Variants in SPRYD7 observed in about 807,000 individuals in gnomAD.
SPRYD7 encodes the protein SPRY domain-containing protein 7.
A neutral mutation model predicts 23.8 loss-of-function variants in SPRYD7; 14 were observed. The ratio of observed to expected loss-of-function variants is 0.59; its 90% CI spans 0.39 to 0.92. The LOEUF is 0.92. Among genes scored for constraint, SPRYD7 ranks in the 40% least tolerant of loss-of-function variants. SPRYD7 has a pLI of 0.00. For missense variants in SPRYD7, 194 were observed against 241.7 expected, an observed-to-expected ratio of 0.80 and a Z score of 1.31; for synonymous variants, 75 against 84.9, an observed-to-expected ratio of 0.88 and a Z score of 0.64.
intron 4 of SPRYD7, among the ~76,000 whole-genome samples, chr13:49,919,742 A>G (rs1955796094): frequency 6.6e-6 from 1 of 151,602 alleles, no homozygotes; most frequent in African/African-American, 2.4e-5. Flanking sequence ...AAAAAAAAAA[A>G]AAAAGTTGAT....
chr13:49,935,298 A>G (rs577220652), intron 1 of SPRYD7, among the ~76,000 whole-genome samples: 3 of 152,368 alleles, frequency 2.0e-5, no homozygotes, highest in East Asian at 1.9e-4. Flanking sequence ...CCACAAAAAG[A>G]CAGTACTCTA....
chr13:49,930,340 G>C (rs1955933277), intron 2 of SPRYD7, among the ~76,000 whole-genome samples: 1 of 151,974 alleles, frequency 6.6e-6, no homozygotes, highest in Non-Finnish European at 1.5e-5. Flanking sequence ...CCAACACTTT[G>C]GGAGGCCGAC....
intron 2 of SPRYD7, among the ~76,000 whole-genome samples, chr13:49,930,568 A>G (rs1303572472): frequency 6.6e-6 from 1 of 152,018 alleles, no homozygotes; most frequent in Non-Finnish European, 1.5e-5. Flanking sequence ...GTGACAGAGC[A>G]AGACTCCATC....
chr13:49,916,159 T>C (rs1481439875), intron 4 of SPRYD7, among the ~76,000 whole-genome samples: 1 of 152,046 alleles, frequency 6.6e-6, no homozygotes, highest in Non-Finnish European at 1.5e-5. Flanking sequence ...GCAAAGCAAG[T>C]AAATAATCAG....
intron 3 of SPRYD7, among the ~76,000 whole-genome samples, chr13:49,924,234 A>G (rs1955853094): frequency 6.6e-6 from 1 of 151,286 alleles, no homozygotes; most frequent in Admixed American, 6.6e-5. Context: ...TGATCTGCCC[A>G]CCTCGGCCTC....
At chr13:49,933,199 C>T (rs1204070138) in intron 1 of SPRYD7, among the ~76,000 whole-genome samples, 1 of 152,190 alleles carries the variant, frequency 6.6e-6, no homozygotes, top group African/African-American at 2.4e-5. Flanking sequence ...TAGGTTAAGG[C>T]AATCAGTGCC....
Position 49,914,931 on chromosome 13 carries a change from C to A in SPRYD7, c.*132G>T. 2.2e-6 allele frequency: 1 copy of A among 465,062 alleles called. No individual in the cohort carries two copies. The highest frequency in any genetic ancestry group is 4.6e-5 in the South Asian group (1 of 21,748). The allele number at this position is 465,062 out of a possible 1,614,324, so 28.8% of individuals were successfully genotyped here. A position where few individuals can be genotyped will look rare whatever the true frequency, so the allele number is the denominator to read the frequency against. ...CAACTTCAGGGTGGTATACTGAATA[C>A]ATTGGTTCCTTAGACAGCATCAACA... On this transcript the variant is annotated 3_prime_UTR_variant, in exon 5 of 5. Coordinates refer to ENST00000361840, the MANE Select transcript of SPRYD7 (RefSeq NM_020456.4).
At chr13:49,928,516 AAG>A (rs1346102602) in intron 2 of SPRYD7, among the ~76,000 whole-genome samples, 1 of 152,252 alleles carries the variant, frequency 6.6e-6, no homozygotes, top group African/African-American at 2.4e-5. Context: ...CCTAGGAGAT[AAG>A]AGAGTGGGCC....
intron 4 of SPRYD7, among the ~76,000 whole-genome samples, chr13:49,920,566 T>A (rs1178286945): frequency 6.6e-6 from 1 of 152,194 alleles, no homozygotes; most frequent in Non-Finnish European, 1.5e-5. Flanking sequence ...TTAAGTGTAA[T>A]CATTGTATTT....
chr13:49,928,033 A>G lies in SPRYD7; in HGVS notation c.276T>C (p.Pro92=), dbSNP rs200102113. The G allele has an allele frequency of 6.2e-7, 1 of 1,614,174 alleles. No individual in the cohort carries two copies. The highest frequency in any genetic ancestry group is 2.2e-5 in the East Asian group (1 of 44,886). ...CCAGACTGTGCATATCTCGGCCAAG[A>G]GGAATCTGATTCAAGTTAACCTTCT... ...ATQKVNLNQI[P]LGRDMHSLVM... is the part of the protein sequence containing the mutation. Residue 92 remains proline (P), a synonymous_variant, in exon 3 of 5, where the codon CCT becomes CCC. Transcript: ENST00000361840.
At chr13:49,924,700 G>A (rs755098488) in intron 3 of SPRYD7, among the ~76,000 whole-genome samples, 3 of 151,988 alleles carry the variant, frequency 2.0e-5, no homozygotes, top group Admixed American at 6.6e-5. Flanking sequence ...CCGTACGGGC[G>A]TGGTGGCTCA....
chr13:49,915,670 A>G (rs970061041), intron 4 of SPRYD7, among the ~76,000 whole-genome samples: 11 of 152,158 alleles, frequency 7.2e-5, no homozygotes, highest in Admixed American at 4.6e-4. Context: ...TGCAGGCCTT[A>G]CTCAGCTTCT....
In SPRYD7 at chr13:49,936,188, C is replaced by A. The variant is rs564263741; in HGVS notation, c.48G>T (p.Gly16=). The A allele has an allele frequency of 3.1e-6, 5 of 1,609,100 alleles. No homozygotes were observed. The highest frequency in any genetic ancestry group is 4.5e-5 in the East Asian group (2 of 44,564). Residue 16 remains glycine, a synonymous_variant, in exon 1 of 5, where the codon GGG becomes GGT. Transcript: ENST00000361840. ...LCCLRCCRDG[G]TGHIPLKEMP... The stretch of plus-strand genomic sequence containing the variant: ...TCTCCTTCAGAGGGATGTGGCCAGT[C>A]CCCCCGTCTCTGCAGCACCGCAGGC...
At chr13:49,935,344 G>C (rs946019988) in intron 1 of SPRYD7, among the ~76,000 whole-genome samples, 4 of 152,128 alleles carry the variant, frequency 2.6e-5, no homozygotes, top group African/African-American at 9.7e-5. Flanking sequence ...TCTCCTTCTA[G>C]AACCACATTC....
At chr13:49,922,316 GTATAAA>G (rs1357881642) in intron 3 of SPRYD7, among the ~76,000 whole-genome samples, 11 of 148,382 alleles carry the variant, frequency 7.4e-5, no homozygotes, top group African/African-American at 2.5e-4. Context: ...ATATTTATTT[GTATAAA>G]TATAAATTAT....
intron 2 of SPRYD7, among the ~76,000 whole-genome samples, chr13:49,930,515 A>T (rs1955935757): frequency 6.6e-6 from 1 of 151,832 alleles, no homozygotes; most frequent in Non-Finnish European, 1.5e-5. Context: ...CGGGAGGCGG[A>T]GGTTGCCGTG....
intron 4 of SPRYD7, among the ~76,000 whole-genome samples, chr13:49,919,843 T>C (rs988799065): frequency 6.7e-6 from 1 of 148,464 alleles, no homozygotes; most frequent in Non-Finnish European, 1.5e-5. Flanking sequence ...TTTTTCGAGA[T>C]ACAAATAAAA....
At chr13:49,918,125 T>C (rs1431986997) in intron 4 of SPRYD7, among the ~76,000 whole-genome samples, 4 of 152,198 alleles carry the variant, frequency 2.6e-5, no homozygotes, top group Admixed American at 6.5e-5. Context: ...AGCGGCACGA[T>C]GATCACTGCT....
At chr13:49,930,800 C>A (rs1030318822) in intron 2 of SPRYD7, among the ~76,000 whole-genome samples, 3 of 152,110 alleles carry the variant, frequency 2.0e-5, no homozygotes, top group Admixed American at 6.5e-5. Context: ...GCAGAATGGG[C>A]AGCTCCTGTA....
Sources: allele counts gnomAD v4.1 joint callset (sites outside exome capture counted in the v4.1 genomes callset), GRCh38; gene constraint gnomAD v4.1.1; transcripts MANE v1.5; gene names NCBI Gene and HGNC (gene_info 2026-07-23, HGNC 2026-07-21).